The following PLEKHG5 variants were observed in gnomAD, a reference collection of about 807,000 sequenced individuals.
The protein encoded by PLEKHG5 is pleckstrin homology domain-containing family G member 5.
In PLEKHG5, 52 loss-of-function variants were observed where a neutral mutation model predicts 103.8. That is an observed-to-expected ratio of 0.50 (90% CI 0.40 to 0.63). The LOEUF is 0.63. Among genes scored for constraint, PLEKHG5 ranks in the 30% least tolerant of loss-of-function variants. The pLI, the probability that PLEKHG5 is intolerant of heterozygous loss-of-function variation, is 0.00. For synonymous variants in PLEKHG5, 592 were observed against 575.5 expected (o/e 1.03, Z -0.41); for missense variants, 1,205 against 1,347.6 (o/e 0.89, Z 1.66).
intron 1 of PLEKHG5, among the ~76,000 whole-genome samples, chr1:6,514,850 C>A (rs1638572063): frequency 6.7e-6 from 1 of 149,222 alleles, no homozygotes; most frequent in African/African-American, 2.5e-5. Flanking sequence ...GGTAGATCAC[C>A]TTAGGTCAGG....
chr1:6,472,615 G>C lies in PLEKHG5; in HGVS notation c.992C>G (p.Thr331Ser), dbSNP rs1268285893. ...CTCCTGCTGGTGGCACTGCCGCCGGGTCAGCTTCTAGAGGGAGGGCAGGAT... is the reference window on the plus strand; with the variant it reads ...CTCCTGCTGGTGGCACTGCCGCCGGCTCAGCTTCTAGAGGGAGGGCAGGAT... ...RELIDGHEKL[T>S]RRQCHQQEAV... The change falls in exon 10 of 21, where the codon ACC (threonine) becomes AGC (serine). Residue 331 changes from threonine (T) to serine (S), a missense_variant. Physicochemically the swap from Thr to Ser is moderately conservative, Grantham distance 58. Transcript: ENST00000377728. 3 of 1,611,734 alleles carry C rather than the reference G, an allele frequency of 1.9e-6. No homozygotes were observed. Among genetic ancestry groups the C allele is most frequent in the African/African-American group, 2.7e-5 (2 of 74,908 alleles).
chr1:6,519,446 G>C (rs551065658), exon 1 of PLEKHG5: 2 of 1,610,048 alleles, frequency 1.2e-6, no homozygotes, highest in Non-Finnish European at 1.7e-6. Context: ...CATACTCACC[G>C]GTTCCTGAAC....
intron 6 of PLEKHG5, 119 bp from the exon 7 acceptor site, chr1:6,474,283 G>A (rs1165001719): frequency 2.2e-5 from 13 of 599,660 alleles, no homozygotes; most frequent in Admixed American, 8.5e-5. Flanking sequence ...CGACAGCCCC[G>A]CCCTGCCAGC....
chr1:6,471,805 A>T lies in PLEKHG5; in HGVS notation c.1084T>A (p.Phe362Ile). Residue 362 changes from phenylalanine to isoleucine, a missense_variant, in exon 11 of 21, where the codon TTC (phenylalanine) becomes ATC (isoleucine). By Grantham distance (21) the Phe-to-Ile change is conservative. Transcript: ENST00000377728. ...TGCAGGTTCAGGAGGCAGCACAGGA[A>T]CAGCTGTGGGATCAGGGGATGGTGT... ...IRKLRVIINLFLCCLLNLQES... is the reference protein window; with the variant it reads ...IRKLRVIINLILCCLLNLQES... 1 of 1,608,042 alleles carries T rather than the reference A, an allele frequency of 6.2e-7. No homozygotes were observed. Among genetic ancestry groups the T allele is most frequent in the Non-Finnish European group, 8.5e-7 (1 of 1,177,434 alleles).
chr1:6,509,558 G>T (rs1198246865), intron 1 of PLEKHG5, among the ~76,000 whole-genome samples: 1 of 152,242 alleles, frequency 6.6e-6, no homozygotes, highest in Non-Finnish European at 1.5e-5. Context: ...CCACTCGGGA[G>T]ACGTAGGCTC....
chr1:6,480,569 C>T (rs1026363567), intron 1 of PLEKHG5, among the ~76,000 whole-genome samples: 4 of 151,220 alleles, frequency 2.6e-5, no homozygotes, highest in African/African-American at 4.9e-5. Context: ...TGTGAGCTTG[C>T]GGTCCTAAGA....
chr1:6,470,962 C>T (rs539755015), intron 13 of PLEKHG5, 28 bp downstream of exon 13: 1 of 1,569,402 alleles, frequency 6.4e-7, no homozygotes, highest in Non-Finnish European at 8.6e-7. Flanking sequence ...TCCTCCTGCG[C>T]CCCCGCCCAC....
chr1:6,498,494 C>T (rs1645258742), upstream of PLEKHG5, among the ~76,000 whole-genome samples: 1 of 152,262 alleles, frequency 6.6e-6, no homozygotes, highest in Non-Finnish European at 1.5e-5. Flanking sequence ...TAAAGATCCT[C>T]TGAGGATCCC....
upstream of PLEKHG5, among the ~76,000 whole-genome samples, chr1:6,498,016 C>T (rs1645253405): frequency 6.6e-6 from 1 of 152,094 alleles, no homozygotes. Flanking sequence ...CCGGTCCCCC[C>T]AAGGGCACCG....
rs962283716 is a variant in PLEKHG5 at position 6,487,274 on chromosome 1, C to A, written c.-88+4363G>T. On this transcript the variant is annotated intron_variant, in intron 1 of 20. Coordinates refer to ENST00000377728, the MANE Select transcript of PLEKHG5 (RefSeq NM_020631.6). This position sits in a 1 kb window ranked among gnomAD's most constrained non-coding sequence, Gnocchi z 4.1. Reference sequence around the variant, plus strand: ...GGGATTACAGGCGCCCGCCACTACACCCAGCTACTTTTTGTATTTTAGTAG... The same window carrying A: ...GGGATTACAGGCGCCCGCCACTACAACCAGCTACTTTTTGTATTTTAGTAG... Among the ~76,000 whole-genome samples, 5 of 152,180 alleles carry A rather than the reference C, an allele frequency of 3.3e-5. No homozygotes were observed. The highest frequency in any genetic ancestry group is 9.7e-5 in the African/African-American group (4 of 41,434).
rs1034705166 is a variant in PLEKHG5 at position 6,519,594 on chromosome 1, G to A, written c.-314C>T. On this transcript the variant is annotated 5_prime_UTR_variant, in exon 1 of 22. Transcript: ENST00000377740. Reference sequence around the variant, plus strand: ...CAGGCCTCTCTAATCAGACACACAGGTCTCCGTCCTGCTTTGCCCAGTTGC... The same window carrying A: ...CAGGCCTCTCTAATCAGACACACAGATCTCCGTCCTGCTTTGCCCAGTTGC... 5.6e-5 allele frequency: 56 copies of A among 1,006,770 alleles called. No homozygotes were observed. In the African/African-American group the frequency reaches 8.6e-4, roughly 15 times the overall value. The allele number at this position is 1,006,770 out of a possible 1,614,324, so 62.4% of individuals were successfully genotyped here. A position where few individuals can be genotyped will look rare whatever the true frequency, so the allele number is the denominator to read the frequency against.
upstream of PLEKHG5, among the ~76,000 whole-genome samples, chr1:6,498,529 GCTGGGGA>G (rs1645259802): frequency 6.6e-6 from 1 of 152,262 alleles, no homozygotes; most frequent in Non-Finnish European, 1.5e-5. Context: ...TAAGCTGGGT[GCTGGGGA>G]CTCACTGGTG....
At position 6,470,795 on chromosome 1, in the gene PLEKHG5, C is replaced by T. The variant is rs761339098; in HGVS notation, c.1482G>A (p.Leu494=). 2 of 1,574,292 alleles carry T rather than the reference C, an allele frequency of 1.3e-6. No homozygotes were observed. Among genetic ancestry groups the T allele is most frequent in the East Asian group, 2.3e-5 (1 of 42,936 alleles). ...CGGTCTTCCTCAGCACCGACTTGAG[C>T]AGCAGCGGGTACTTGGTGAGCCGCT... is the stretch of plus-strand genomic sequence containing the variant. ...PHQRLTKYPL[L]LKSVLRKTEE... is the part of the protein sequence containing the mutation. The change falls in exon 14 of 21, where the codon CTG becomes CTA. Residue 494 remains leucine (L), a synonymous_variant. Transcript: ENST00000377728.
In PLEKHG5 at chr1:6,467,949, C is replaced by A. The variant is rs780100460; in HGVS notation, c.2887G>T (p.Gly963Trp). ...TCAGGCTGGACCCTGGGAGAGGCCC[C>A]CGAGGGCAGGTCTCCACACCTCTTC... is the stretch of plus-strand genomic sequence containing the variant. ...HRKRCGDLPS[G>W]ASPRVQPEPP... Residue 963 changes from glycine to tryptophan, a missense_variant, in exon 20 of 21, where the codon GGG (glycine) becomes TGG (tryptophan). Gly to Trp is a radical substitution (Grantham distance 184). Transcript: ENST00000377728. The A allele has an allele frequency of 9.5e-6, 15 of 1,573,412 alleles. No homozygotes were observed. In the South Asian group the frequency reaches 1.7e-4, roughly 18 times the overall value.
chr1:6,507,957 A>G (rs1292907655), intron 1 of PLEKHG5, among the ~76,000 whole-genome samples: 5 of 152,134 alleles, frequency 3.3e-5, no homozygotes, highest in African/African-American at 1.2e-4. Context: ...CTGGCCAGCC[A>G]TCTCTGTCTC....
At chr1:6,474,425 C>T in intron 6 of PLEKHG5, 26 bp downstream of exon 6, 1 of 1,613,288 alleles carries the variant, frequency 6.2e-7, no homozygotes, top group Middle Eastern at 1.7e-4. Flanking sequence ...TCCCAGCGGC[C>T]CCATTTGGCC....
intron 1 of PLEKHG5, among the ~76,000 whole-genome samples, chr1:6,479,263 T>G (rs1557752927): frequency 1.3e-5 from 2 of 151,990 alleles, no homozygotes; most frequent in Admixed American, 6.6e-5. Flanking sequence ...CACGTGGCAT[T>G]TGGTTATGTC....
intron 20 of PLEKHG5, 103 bp from the exon 21 acceptor site, chr1:6,467,675 C>A: frequency 6.9e-7 from 1 of 1,458,038 alleles, no homozygotes; most frequent in Non-Finnish European, 9.6e-7. Flanking sequence ...CCCTTCACTG[C>A]TGCCCACCAC....
intron 1 of PLEKHG5, among the ~76,000 whole-genome samples, chr1:6,478,282 GAGCCTC>G (rs1207005127): frequency 2.7e-5 from 4 of 150,932 alleles, no homozygotes; most frequent in Admixed American, 1.3e-4. Flanking sequence ...CGTGATCCTC[GAGCCTC>G]AGCCTCCCGA....
Sources: allele counts gnomAD v4.1 joint callset (sites outside exome capture counted in the v4.1 genomes callset), GRCh38; gene constraint gnomAD v4.1.1; non-coding constraint Gnocchi (gnomAD v3.1); transcripts MANE v1.5; gene names NCBI Gene and HGNC (gene_info 2026-07-23, HGNC 2026-07-21).